The following XPC variants were observed in gnomAD, a reference collection of about 807,000 sequenced individuals.
The protein encoded by XPC is XPC complex subunit, DNA damage recognition and repair factor, also known as DNA repair protein complementing XP-C cells.
Under a neutral mutation model 95.8 loss-of-function variants are expected in XPC, and 76 were observed. The observed-to-expected ratio is 0.79, with a 90% CI of 0.66 to 0.96. XPC has a LOEUF of 0.96. Ranked by LOEUF, XPC falls within the 40% of genes least tolerant of loss-of-function variation. XPC has a pLI of 0.00. For synonymous variants in XPC, 442 were observed against 442.1 expected (o/e 1.00, Z 0.00); for missense variants, 1,146 against 1,179.8 (o/e 0.97, Z 0.42).
rs375609654 is a variant in XPC, at chr3:14,145,933, C to T, written c.*8G>A. On this transcript the variant is annotated 3_prime_UTR_variant, in exon 16 of 16. Coordinates refer to ENST00000285021, the MANE Select transcript of XPC (RefSeq NM_004628.5). ...AACTGGTGGGTGCCCCTCTAGTGGG[C>T]GCTCAGCTCACAGCTGCTCAAATGG... 4.3e-5 allele frequency: 68 copies of T among 1,598,892 alleles called. 1 individual carries two copies. Among genetic ancestry groups the T allele is most frequent in the Admixed American group, 6.7e-5 (4 of 59,324 alleles).
In XPC at chr3:14,146,111, C is replaced by G; in HGVS notation, c.2653G>C (p.Asp885His). Residue 885 changes from aspartate to histidine, a missense_variant, in exon 16 of 16, where the codon GAT (aspartate) becomes CAT (histidine). Asp to His is a moderately conservative substitution (Grantham distance 81). Coordinates refer to ENST00000285021, the MANE Select transcript of XPC (RefSeq NM_004628.5). ...HTDAGGGLSS[D>H]EEEGTSSQAE... The stretch of plus-strand genomic sequence containing the variant: ...TGAGAGCTGGTCCCCTCCTCTTCAT[C>G]AGAAGAGAGTCCACCTCCTGCATCT... 1.2e-6 allele frequency: 2 copies of G among 1,612,008 alleles called. No individual in the cohort carries two copies. The highest frequency in any genetic ancestry group is 1.7e-6 in the Non-Finnish European group (2 of 1,179,408).
intron 15 of XPC, among the ~76,000 whole-genome samples, chr3:14,146,903 G>C (rs894308838): frequency 6.6e-6 from 1 of 152,250 alleles, no homozygotes; most frequent in Non-Finnish European, 1.5e-5. Flanking sequence ...TGCTGTGAGA[G>C]AGGTACTGAG....
rs2125004761 is a variant in XPC, at chr3:14,146,007, C to A, written c.2757G>T (p.Gly919=). The A allele has an allele frequency of 8.7e-6, 14 of 1,611,870 alleles. No individual in the cohort carries two copies. Among genetic ancestry groups the A allele is most frequent in the Non-Finnish European group, 1.2e-5 (14 of 1,178,670 alleles). Residue 919 remains glycine, a synonymous_variant, in exon 16 of 16, where the codon GGG becomes GGT. Transcript: ENST00000285021. ...TCTTTTCCCTTTTGGTCTTCTTGGG[C>A]CCACCCTTCAGCTTCTGCTTTTCTT... ...EDEEKQKLKG[G]PKKTKREKKA...
At chr3:14,168,905 C>T (rs1696500306) in intron 3 of XPC, among the ~76,000 whole-genome samples, 2 of 152,168 alleles carry the variant, frequency 1.3e-5, no homozygotes, top group Non-Finnish European at 2.9e-5. Context: ...TGCTTGTATA[C>T]AGTAGCTGAG....
chr3:14,152,783 C>G (rs1380161040), intron 10 of XPC: 1 of 192,866 alleles, frequency 5.2e-6, no homozygotes, highest in African/African-American at 2.4e-5. Context: ...TTACTACCAC[C>G]ACCAAGCGAA....
chr3:14,156,616 C>G, intron 9 of XPC, 121 bp from the exon 10 acceptor site: 1 of 1,371,552 alleles, frequency 7.3e-7, no homozygotes, highest in Non-Finnish European at 1.0e-6. Context: ...GTTTCATGAA[C>G]ACTAATGGTT....
At chr3:14,164,214 G>A (rs1405536401) in intron 7 of XPC, among the ~76,000 whole-genome samples, 1 of 152,134 alleles carries the variant, frequency 6.6e-6, no homozygotes. Flanking sequence ...GAACTGTATG[G>A]ATTAATAGGA....
At chr3:14,167,872 G>A (rs1696447648) in intron 4 of XPC, among the ~76,000 whole-genome samples, 1 of 152,196 alleles carries the variant, frequency 6.6e-6, no homozygotes. Flanking sequence ...GACATGGTGA[G>A]GAAAATGTGA....
intron 1 of XPC, among the ~76,000 whole-genome samples, chr3:14,177,623 T>A (rs1312194470): frequency 6.6e-6 from 1 of 151,556 alleles, no homozygotes; most frequent in Admixed American, 6.6e-5. Flanking sequence ...ATGTAGTATC[T>A]TGTAGGCCAG....
chr3:14,165,462 C>A lies in XPC; in HGVS notation c.745G>T (p.Val249Leu). 1 of 1,601,130 alleles carries A rather than the reference C, an allele frequency of 6.2e-7. No homozygotes were observed. Among genetic ancestry groups the A allele is most frequent in the Non-Finnish European group, 8.5e-7 (1 of 1,173,726 alleles). Residue 249 changes from valine to leucine, a missense_variant, in exon 6 of 16, where the codon GTG (valine) becomes TTG (leucine). Coordinates refer to ENST00000285021, the MANE Select transcript of XPC (RefSeq NM_004628.5). ...ARFTRVLPRD[V>L]DTYYLSNLVK... ...AGGTTTGAGAGGTAGTAGGTGTCCACATCTCGAGGCAGCACTCTGGTAAAG... is the reference window on the plus strand; with the variant it reads ...AGGTTTGAGAGGTAGTAGGTGTCCAAATCTCGAGGCAGCACTCTGGTAAAG...
intron 9 of XPC, among the ~76,000 whole-genome samples, chr3:14,157,400 A>G (rs142959925): frequency 6.6e-6 from 1 of 152,004 alleles, no homozygotes; most frequent in African/African-American, 2.4e-5. Context: ...TCCACCCACC[A>G]CCACCACTGC....
At chr3:14,160,667 G>T (rs1696134074) in intron 7 of XPC, among the ~76,000 whole-genome samples, 1 of 152,212 alleles carries the variant, frequency 6.6e-6, no homozygotes, top group Non-Finnish European at 1.5e-5. Context: ...GAGACATGAT[G>T]ACTAAATACA....
At chr3:14,178,430 G>A in intron 1 of XPC, 36 bp downstream of exon 1, 1 of 1,570,294 alleles carries the variant, frequency 6.4e-7, no homozygotes, top group Non-Finnish European at 8.6e-7. Context: ...CCCACCGGCG[G>A]CGTCTCCCGC....
intron 1 of XPC, among the ~76,000 whole-genome samples, chr3:14,177,429 G>A (rs932700586): frequency 6.6e-6 from 1 of 152,074 alleles, no homozygotes; most frequent in Admixed American, 6.5e-5. Flanking sequence ...GAGTTTTGAA[G>A]AAATAGAAAA....
intron 3 of XPC, among the ~76,000 whole-genome samples, chr3:14,169,257 T>C (rs1696514415): frequency 6.6e-6 from 1 of 152,086 alleles, no homozygotes; most frequent in Non-Finnish European, 1.5e-5. Flanking sequence ...CAATGCAAGA[T>C]GAGGTTTAAA....
chr3:14,168,461 C>T, intron 3 of XPC, 81 bp from the exon 4 acceptor site: 1 of 1,553,582 alleles, frequency 6.4e-7, no homozygotes, highest in Non-Finnish European at 8.8e-7. Context: ...CAAGGTTCTG[C>T]TGGGAAGGAG....
intron 11 of XPC, 129 bp downstream of exon 11, chr3:14,152,206 G>A: frequency 2.9e-6 from 2 of 695,904 alleles, no homozygotes; most frequent in Non-Finnish European, 4.8e-6. Context: ...AGCCGGGAAA[G>A]TGAGACATTT....
intron 6 of XPC, among the ~76,000 whole-genome samples, 154 bp downstream of exon 6, chr3:14,165,274 A>T (rs1696329434): frequency 6.6e-6 from 1 of 152,222 alleles, no homozygotes; most frequent in South Asian, 2.1e-4. Context: ...GGGCAAGATC[A>T]TACCTGGCAT....
chr3:14,148,166 G>A (rs1559368533), intron 13 of XPC, 165 bp from the exon 14 acceptor site: 1 of 629,358 alleles, frequency 1.6e-6, no homozygotes. Flanking sequence ...AGGCAGGCCT[G>A]TGGAAGCTGG....
Sources: allele counts gnomAD v4.1 joint callset (sites outside exome capture counted in the v4.1 genomes callset), GRCh38; gene constraint gnomAD v4.1.1; transcripts MANE v1.5; gene names NCBI Gene and HGNC (gene_info 2026-07-23, HGNC 2026-07-21).